The following TLN2 variants were observed in gnomAD, a reference collection of about 807,000 sequenced individuals.
TLN2 encodes the protein talin-2.
A neutral mutation model predicts 294.7 loss-of-function variants in TLN2; 118 were observed. The observed-to-expected ratio is 0.40, with a 90% confidence interval of 0.34 to 0.47. The LOEUF (loss-of-function observed/expected upper bound fraction) is 0.47. TLN2 is among the 20% of genes least tolerant of loss of function. The probability of loss-of-function intolerance (pLI) is 0.84; values close to 1 mark genes in which losing one functional copy is unlikely to be tolerated. For synonymous variants in TLN2, 1,431 were observed against 1,304.5 expected (o/e 1.10, Z -2.09); for missense variants, 3,083 against 3,282.2 (o/e 0.94, Z 1.48).
chr15:62,830,304 A>C (rs2068681282), intron 54 of TLN2: 1 of 152,542 alleles, frequency 6.6e-6, no homozygotes, highest in Non-Finnish European at 1.5e-5. Context: ...GGTGAGAATG[A>C]GAGCTCCAGG....
At chr15:62,455,078 AG>A (rs1415386085) in intron 1 of TLN2, among the ~76,000 whole-genome samples, 2 of 151,880 alleles carry the variant, frequency 1.3e-5, no homozygotes, top group African/African-American at 2.4e-5. Context: ...TGAGCAAAGG[AG>A]GGAGAAAAAT....
At chr15:62,609,568 A>G (rs1049999114) in intron 2 of TLN2, among the ~76,000 whole-genome samples, 5 of 152,184 alleles carry the variant, frequency 3.3e-5, no homozygotes, top group Non-Finnish European at 7.3e-5. Context: ...AGTATCCCTC[A>G]GTTGAGGTTT....
chr15:62,468,102 CTTAAATAAATTTAATTTA>C (rs905717430), intron 1 of TLN2, among the ~76,000 whole-genome samples: 2 of 151,560 alleles, frequency 1.3e-5, no homozygotes, highest in South Asian at 2.1e-4. Flanking sequence ...GTTGCGAAGG[CTTAAATAAATTTAATTTA>C]TTAAATAAAT....
chr15:62,755,671 C>T lies in TLN2; in HGVS notation c.4616C>T (p.Ala1539Val). The change falls in exon 37 of 59, where the codon GCC becomes GTC. Residue 1539 changes from alanine to valine, a missense_variant. Physicochemically the swap from Ala to Val is moderately conservative, Grantham distance 64. Coordinates refer to ENST00000636159, the MANE Select transcript of TLN2 (RefSeq NM_015059.3). Reference protein sequence around the residue: ...QSAKEVANSTANLVKTIKALD... With the variant: ...QSAKEVANSTVNLVKTIKALD... ...GCCAAGGAAGTCGCCAACAGCACTG[C>T]CAACCTGGTGAAGACCATCAAGGTA... 1.2e-6 allele frequency: 2 copies of T among 1,614,222 alleles called. No individual in the cohort carries two copies. Among genetic ancestry groups the T allele is most frequent in the Non-Finnish European group, 1.7e-6 (2 of 1,180,032 alleles).
At chr15:62,774,350 AC>A (rs1470951697) in intron 42 of TLN2, among the ~76,000 whole-genome samples, 2 of 151,264 alleles carry the variant, frequency 1.3e-5, no homozygotes, top group Non-Finnish European at 2.9e-5. Context: ...GTAACAAGGA[AC>A]CCCTCCGGAA....
At chr15:62,481,803 T>C (rs201246218) in intron 1 of TLN2, among the ~76,000 whole-genome samples, 6 of 130,200 alleles carry the variant, frequency 4.6e-5, no homozygotes, top group East Asian at 3.9e-4. Flanking sequence ...TCTTTCTTTT[T>C]TTTTTTTTTT....
chr15:62,758,064 T>C (rs1299459374), intron 37 of TLN2, among the ~76,000 whole-genome samples: 3 of 152,184 alleles, frequency 2.0e-5, no homozygotes, highest in Non-Finnish European at 2.9e-5. Context: ...TGCATATTGC[T>C]CTTAAGTTTT....
intron 1 of TLN2, among the ~76,000 whole-genome samples, chr15:62,399,652 T>A (rs528989570): frequency 1.3e-5 from 2 of 152,222 alleles, no homozygotes; most frequent in South Asian, 4.1e-4. Flanking sequence ...AAGGAGAGCA[T>A]TTTGGAACTT....
rs73427791 is a variant in TLN2, at chr15:62,516,492, T to C, written c.-237-73195T>C. On this transcript the variant is annotated intron_variant, in intron 1 of 58. Coordinates refer to ENST00000636159, the MANE Select transcript of TLN2 (RefSeq NM_015059.3). ...TTTTGACTACAAATAAGACAAAATG[T>C]GTCTGTCAGGTGAAGGAACATATTC... Among the ~76,000 whole-genome samples, 546 of 152,370 alleles carry C rather than the reference T, an allele frequency of 3.6e-3. 3 individuals are homozygous for C. The highest frequency in any genetic ancestry group is 0.012 in the African/African-American group (507 of 41,588).
At chr15:62,593,131 A>AT (rs2046216694) in intron 2 of TLN2, among the ~76,000 whole-genome samples, 1 of 152,224 alleles carries the variant, frequency 6.6e-6, no homozygotes, top group Non-Finnish European at 1.5e-5. Flanking sequence ...TGTACCAGTC[A>AT]TTTAAGGGCT....
intron 1 of TLN2, among the ~76,000 whole-genome samples, chr15:62,522,946 A>G (rs1441865794): frequency 2.0e-5 from 2 of 100,254 alleles, no homozygotes; most frequent in Non-Finnish European, 4.1e-5. Context: ...TGGCTTACAC[A>G]CACACACACA....
chr15:62,506,621 G>T (rs1459325362), intron 1 of TLN2, among the ~76,000 whole-genome samples: 2 of 152,216 alleles, frequency 1.3e-5, no homozygotes, highest in African/African-American at 4.8e-5. Flanking sequence ...TAAATTGCCA[G>T]TGTGTTTGAA....
intron 3 of TLN2, among the ~76,000 whole-genome samples, chr15:62,624,266 A>G: frequency 6.6e-6 from 1 of 152,152 alleles, no homozygotes; most frequent in East Asian, 1.9e-4. Flanking sequence ...CAAGTTTTAG[A>G]AAATTAGTCT....
intron 1 of TLN2, among the ~76,000 whole-genome samples, chr15:62,530,980 T>C (rs1315746095): frequency 6.6e-6 from 1 of 152,212 alleles, no homozygotes; most frequent in Non-Finnish European, 1.5e-5. Flanking sequence ...TAGTCTATTG[T>C]TTTAGTCGTG....
chr15:62,770,907 A>G, intron 41 of TLN2, 57 bp from the exon 42 acceptor site: 1 of 1,555,788 alleles, frequency 6.4e-7, no homozygotes, highest in Non-Finnish European at 8.6e-7. Flanking sequence ...GGAGCCCCTG[A>G]AGGAGACACG....
At chr15:62,772,397 T>TAA (rs2063401082) in intron 42 of TLN2, among the ~76,000 whole-genome samples, 1 of 152,088 alleles carries the variant, frequency 6.6e-6, no homozygotes, top group Non-Finnish European at 1.5e-5. Context: ...ATAAGTTGAG[T>TAA]TGCTGAAGTG....
rs138380388 is a variant in TLN2 at position 62,501,645 on chromosome 15, A to T, written c.-237-88042A>T. On this transcript the variant is annotated intron_variant, in intron 1 of 58. Transcript: ENST00000636159. ...GGCTGACAAATATTTTTTGGAAAGG[A>T]ATAGTCACAATTAGAGGGACCCATC... 1.4e-4 allele frequency among the ~76,000 whole-genome samples: 21 copies of T among 152,356 alleles called. 1 individual carries two copies. In the East Asian group the frequency reaches 4.1e-3, roughly 29 times the overall value.
At chr15:62,402,337 A>C (rs1263284305) in intron 1 of TLN2, among the ~76,000 whole-genome samples, 1 of 152,202 alleles carries the variant, frequency 6.6e-6, no homozygotes, top group Non-Finnish European at 1.5e-5. Context: ...CAAACTCACC[A>C]GTCTGACCGT....
At chr15:62,775,425 C>T (rs2063649483) in intron 42 of TLN2, among the ~76,000 whole-genome samples, 1 of 152,182 alleles carries the variant, frequency 6.6e-6, no homozygotes, top group African/African-American at 2.4e-5. Context: ...GCCGTGAAAT[C>T]AGCTATCAAC....
Sources: allele counts gnomAD v4.1 joint callset (sites outside exome capture counted in the v4.1 genomes callset), GRCh38; gene constraint gnomAD v4.1.1; transcripts MANE v1.5; gene names NCBI Gene and HGNC (gene_info 2026-07-23, HGNC 2026-07-21).